IBSP: variants seen among roughly 807,000 people sequenced by gnomAD.
The protein encoded by IBSP is integrin-binding sialoprotein.
IBSP carries 19 observed loss-of-function variants against 25.5 expected under a neutral mutation model. The observed-to-expected ratio is 0.74, with a 90% CI of 0.52 to 1.09. IBSP has a LOEUF of 1.09. IBSP is among the 50% of genes least tolerant of loss of function. The pLI is 0.00. For synonymous variants in IBSP, 144 were observed against 137.6 expected (o/e 1.05, Z -0.33); for missense variants, 360 against 382.3 (o/e 0.94, Z 0.49).
intron 2 of IBSP, 29 bp from the exon 3 acceptor site, chr4:87,802,479 A>G: frequency 6.3e-7 from 1 of 1,593,114 alleles, no homozygotes; most frequent in Non-Finnish European, 8.5e-7. Context: ...AAGAAAAATT[A>G]TGCAATAATT....
At chr4:87,807,240 G>T (rs1204079267) in intron 5 of IBSP, among the ~76,000 whole-genome samples, 1 of 152,074 alleles carries the variant, frequency 6.6e-6, no homozygotes, top group Non-Finnish European at 1.5e-5. Flanking sequence ...GCTACCACTG[G>T]TTTAGGAACC....
intron 1 of IBSP, among the ~76,000 whole-genome samples, chr4:87,800,115 G>A (rs1263894546): frequency 6.6e-6 from 1 of 152,106 alleles, no homozygotes; most frequent in African/African-American, 2.4e-5. Context: ...ACTAACTAGA[G>A]AAATAAATAC....
intron 1 of IBSP, among the ~76,000 whole-genome samples, chr4:87,800,352 T>G (rs1368830047): frequency 6.6e-6 from 1 of 152,182 alleles, no homozygotes; most frequent in East Asian, 1.9e-4. Context: ...TATGCCATCT[T>G]TTCATCTGGT....
intron 6 of IBSP, 21 bp downstream of exon 6, chr4:87,810,785 C>A: frequency 1.3e-6 from 2 of 1,594,316 alleles, no homozygotes; most frequent in Non-Finnish European, 1.7e-6. Flanking sequence ...AATTATTCCT[C>A]CAAAATGAAA....
intron 5 of IBSP, among the ~76,000 whole-genome samples, chr4:87,807,976 C>T (rs951619263): frequency 3.3e-5 from 5 of 152,100 alleles, no homozygotes; most frequent in Non-Finnish European, 4.4e-5. Context: ...AATGGAAAAG[C>T]GGGTAAACAA....
intron 4 of IBSP, among the ~76,000 whole-genome samples, chr4:87,805,608 T>C (rs1458427774): frequency 6.6e-6 from 1 of 152,210 alleles, no homozygotes; most frequent in Non-Finnish European, 1.5e-5. Flanking sequence ...ACTTTTATAG[T>C]AAGCTGAATG....
chr4:87,805,840 C>T (rs1229576383), intron 4 of IBSP, among the ~76,000 whole-genome samples: 1 of 152,122 alleles, frequency 6.6e-6, no homozygotes, highest in East Asian at 1.9e-4. Flanking sequence ...AATATATTGT[C>T]AATGCTTTGG....
At position 87,810,514 on chromosome 4, in the gene IBSP, A is replaced by T. The variant is rs112179738; in HGVS notation, c.247-92A>T. The T allele has an allele frequency of 2.7e-5, 28 of 1,051,752 alleles. No individual in the cohort carries two copies. In the African/African-American group the frequency reaches 3.3e-4, roughly 13 times the overall value. 65.2% of individuals were successfully genotyped at this position (1,051,752 alleles called of 1,614,324 possible). On this transcript the variant is annotated intron_variant, in intron 5 of 6. Transcript: ENST00000226284. ...TGAGGGATGCAAAGTTTTTCCAAAT[A>T]ATAAACCTTCAATAAATGATTCACA...
rs80085887 is a variant in IBSP, at chr4:87,811,926, T to G, written c.*16T>G. ...CCACCAGTGAAGCTCCAGCCTGGGA[T>G]GAATTCATCCATTCTGGCTTTGCAT... On this transcript the variant is annotated 3_prime_UTR_variant, in exon 7 of 7. Transcript: ENST00000226284. 4,728 of 1,508,872 alleles carry G rather than the reference T, an allele frequency of 3.1e-3. 119 individuals are homozygous for G. In the African/African-American group the frequency reaches 0.058, roughly 19 times the overall value. The allele number at this position is 1,508,872 out of a possible 1,614,324, so 93.5% of individuals were successfully genotyped here. A position where few individuals can be genotyped will look rare whatever the true frequency, so the allele number is the denominator to read the frequency against.
chr4:87,810,822 G>T, intron 6 of IBSP, 58 bp downstream of exon 6: 1 of 1,486,080 alleles, frequency 6.7e-7, no homozygotes, highest in Non-Finnish European at 9.3e-7. Flanking sequence ...TAATGGTAAT[G>T]TTCAATCTTT....
At chr4:87,803,280 G>A (rs957996275) in intron 4 of IBSP, among the ~76,000 whole-genome samples, 2 of 151,922 alleles carry the variant, frequency 1.3e-5, no homozygotes, top group South Asian at 4.2e-4. Flanking sequence ...GTCATACACT[G>A]GAGCATAATC....
intron 4 of IBSP, among the ~76,000 whole-genome samples, chr4:87,805,411 T>C (rs1370625417): frequency 6.6e-6 from 1 of 152,184 alleles, no homozygotes; most frequent in Admixed American, 6.6e-5. Flanking sequence ...CTACACAACC[T>C]CCCAAATAAT....
chr4:87,804,424 T>C (rs1722064201), intron 4 of IBSP, among the ~76,000 whole-genome samples: 1 of 152,232 alleles, frequency 6.6e-6, no homozygotes, highest in South Asian at 2.1e-4. Flanking sequence ...AGCTATCTAT[T>C]GTGGCTTATA....
In IBSP at chr4:87,811,733, C is replaced by A. The variant is rs536627299; in HGVS notation, c.777C>A (p.Tyr259Ter). Reference protein sequence around the residue: ...PPFGKTTTVEYEGEYEYTGAN... With the variant: ...PPFGKTTTVE ...TTGGGAAAACCACCACCGTTGAATA[C>A]GAGGGGGAGTACGAATACACGGGCG... Residue 259 changes from tyrosine to a stop codon, truncating the protein, a stop_gained, in exon 7 of 7, where the codon TAC becomes TAA. Transcript: ENST00000226284. LOFTEE classifies it high-confidence loss of function. 3.7e-6 allele frequency: 6 copies of A among 1,613,842 alleles called. No individual in the cohort carries two copies. The African/African-American group carries it at 5.3e-5, about 14-fold the overall frequency.
intron 4 of IBSP, among the ~76,000 whole-genome samples, chr4:87,803,399 A>T (rs987236859): frequency 3.3e-5 from 5 of 149,528 alleles, no homozygotes; most frequent in African/African-American, 1.2e-4. Context: ...GAAAATAACT[A>T]AAAAAAAAAT....
chr4:87,806,940 G>A (rs771466800), intron 5 of IBSP, among the ~76,000 whole-genome samples: 4 of 152,018 alleles, frequency 2.6e-5, no homozygotes, highest in Admixed American at 6.6e-5. Flanking sequence ...GGAAGGTGGA[G>A]GTTGCAGTGA....
chr4:87,804,493 T>C (rs1164028225), intron 4 of IBSP, among the ~76,000 whole-genome samples: 1 of 152,242 alleles, frequency 6.6e-6, no homozygotes. Context: ...AGCTTCTTTA[T>C]TGAGAAAATT....
In IBSP at chr4:87,811,927, G is replaced by T. The variant is rs201384831; in HGVS notation, c.*17G>T. 1.6e-4 allele frequency: 236 copies of T among 1,506,278 alleles called. No individual in the cohort carries two copies. Among genetic ancestry groups the T allele is most frequent in the Non-Finnish European group, 1.5e-4 (173 of 1,127,960 alleles). The allele number at this position is 1,506,278 out of a possible 1,614,324, so 93.3% of individuals were successfully genotyped here. ...CACCAGTGAAGCTCCAGCCTGGGATGAATTCATCCATTCTGGCTTTGCATC... is the reference window on the plus strand; with the variant it reads ...CACCAGTGAAGCTCCAGCCTGGGATTAATTCATCCATTCTGGCTTTGCATC... On this transcript the variant is annotated 3_prime_UTR_variant, in exon 7 of 7. Coordinates refer to ENST00000226284, the MANE Select transcript of IBSP (RefSeq NM_004967.4).
chr4:87,805,530 G>T (rs773718762), intron 4 of IBSP, among the ~76,000 whole-genome samples: 67 of 152,114 alleles, frequency 4.4e-4, no homozygotes, highest in Admixed American at 3.1e-3. Context: ...CAAATTAAAT[G>T]CTATTAAATT....
Sources: gnomAD v4.1 joint callset for allele counts (sites outside exome capture counted in the v4.1 genomes callset) on GRCh38, gnomAD v4.1.1 for gene constraint, MANE v1.5 for transcripts, NCBI Gene and HGNC (gene_info 2026-07-23, HGNC 2026-07-21) for gene names.